The following TCF4 variants were observed in gnomAD, a reference collection of about 807,000 sequenced individuals.
TCF4 encodes transcription factor 4, also known as SL3-3 enhancer factor 2.
TCF4 carries 3 observed loss-of-function variants against 82.1 expected under a neutral mutation model. That is an observed-to-expected ratio of 0.04 (90% confidence interval 0.02 to 0.09). TCF4 has a LOEUF of 0.09. Among genes scored for constraint, TCF4 ranks in the 10% least tolerant of loss-of-function variants. The pLI is 1.00. For missense variants in TCF4, 518 were observed against 852.7 expected, an observed-to-expected ratio of 0.61 and a Z score of 4.89; for synonymous variants, 276 against 309.6, an observed-to-expected ratio of 0.89 and a Z score of 1.14.
Position 55,224,389 on chromosome 18 carries a change from A to C in TCF4, c.*3646T>G, listed in dbSNP as rs919087639. On this transcript the variant is annotated 3_prime_UTR_variant, in exon 20 of 20. Transcript: ENST00000354452. ...AAGCAAAATAAAAAGAGAGGCCTAA[A>C]GGCCTTGGTGCCCCATTGTGTTGGA... 6.6e-6 allele frequency: 1 copy of C among 152,638 alleles called. No homozygotes were observed. Among genetic ancestry groups the C allele is most frequent in the Non-Finnish European group, 1.5e-5 (1 of 68,036 alleles). The allele number at this position is 152,638 out of a possible 1,614,324, so 9.5% of individuals were successfully genotyped here.
chr18:55,586,153 G>GAGCAGGAGCAGC lies in TCF4; in HGVS notation c.73-802_73-801insGCTGCTCCTGCT. ...GGAGGAGAAGGAGGAGGAGGAGGAGGAGCAGCAGCAGCAGCAGCAGCAGCA... is the reference window on the plus strand; with the variant it reads ...GGAGGAGAAGGAGGAGGAGGAGGAGGAGCAGGAGCAGCAGCAGCAGCAGCAGCAGCAGCAGCA... On this transcript the variant is annotated intron_variant, in intron 2 of 19. Coordinates refer to ENST00000354452, the MANE Select transcript of TCF4 (RefSeq NM_001083962.2). The GAGCAGGAGCAGC allele has an allele frequency of 9.9e-6, 7 of 706,110 alleles. No individual in the cohort carries two copies. In the South Asian group the frequency reaches 1.2e-4, roughly 12 times the overall value. 43.7% of individuals were successfully genotyped at this position (706,110 alleles called of 1,614,324 possible).
At chr18:55,360,731 C>CCTT (rs753933037) in intron 6 of TCF4, among the ~76,000 whole-genome samples, 2 of 74,274 alleles carry the variant, frequency 2.7e-5, no homozygotes, top group African/African-American at 1.2e-4. Flanking sequence ...GCCCCCCACC[C>CCTT]TTTTTTTTTT....
intron 3 of TCF4, among the ~76,000 whole-genome samples, chr18:55,572,675 C>T (rs951393132): frequency 6.6e-6 from 1 of 152,166 alleles, no homozygotes; most frequent in Admixed American, 6.5e-5. Flanking sequence ...TGATACCTGA[C>T]CACAGGCAGG....
chr18:55,516,129 C>T (rs928995211), intron 3 of TCF4, among the ~76,000 whole-genome samples: 4 of 152,048 alleles, frequency 2.6e-5, no homozygotes, highest in East Asian at 3.9e-4. Flanking sequence ...TGATGACTTA[C>T]GGAGACAGGG....
At chr18:55,243,165 G>A (rs764467907) in intron 15 of TCF4, among the ~76,000 whole-genome samples, 2 of 152,192 alleles carry the variant, frequency 1.3e-5, no homozygotes, top group Non-Finnish European at 2.9e-5. Flanking sequence ...CCAAATTTAA[G>A]TGAAAATTTC....
intron 8 of TCF4, among the ~76,000 whole-genome samples, chr18:55,339,898 G>A (rs541239938): frequency 6.6e-6 from 1 of 152,316 alleles, no homozygotes; most frequent in East Asian, 1.9e-4. Flanking sequence ...TAAAACATCT[G>A]TACAAATATT....
chr18:55,487,479 G>A (rs1345216973), intron 3 of TCF4, among the ~76,000 whole-genome samples: 5 of 152,162 alleles, frequency 3.3e-5, no homozygotes, highest in Admixed American at 6.5e-5. Context: ...GTGAAGAAGT[G>A]CATTTATTAA....
chr18:55,487,925 T>C (rs766081286), intron 3 of TCF4, among the ~76,000 whole-genome samples: 19 of 152,096 alleles, frequency 1.2e-4, no homozygotes, highest in Non-Finnish European at 2.8e-4. Flanking sequence ...CTGGTAGATA[T>C]ATACAGTGCC....
intron 5 of TCF4, among the ~76,000 whole-genome samples, chr18:55,433,758 G>A (rs1011102610): frequency 2.6e-5 from 4 of 152,166 alleles, no homozygotes; most frequent in Non-Finnish European, 5.9e-5. Context: ...CACATTAGTG[G>A]CTCCCCAGGC....
At chr18:55,356,441 T>C (rs545453920) in intron 6 of TCF4, among the ~76,000 whole-genome samples, 1 of 152,322 alleles carries the variant, frequency 6.6e-6, no homozygotes, top group African/African-American at 2.4e-5. Flanking sequence ...TAAGTGGCCA[T>C]GTTCCTGGAA....
At chr18:55,398,949 T>A (rs989801933) in intron 6 of TCF4, among the ~76,000 whole-genome samples, 1 of 152,172 alleles carries the variant, frequency 6.6e-6, no homozygotes, top group Non-Finnish European at 1.5e-5. Context: ...GAAGGATGCA[T>A]AAGACCTCGA....
intron 6 of TCF4, chr18:55,401,261 T>C: frequency 8.4e-7 from 1 of 1,189,452 alleles, no homozygotes. Context: ...TCAGCAAATT[T>C]CCAAAATTTC....
intron 8 of TCF4, among the ~76,000 whole-genome samples, chr18:55,297,145 A>C (rs1362303962): frequency 2.5e-5 from 2 of 79,640 alleles, no homozygotes; most frequent in Non-Finnish European, 4.7e-5. Context: ...CTTTTCTTTG[A>C]GGTTTTTTTT....
intron 3 of TCF4, among the ~76,000 whole-genome samples, chr18:55,483,992 T>C (rs1344178603): frequency 2.6e-5 from 4 of 152,362 alleles, no homozygotes; most frequent in African/African-American, 7.2e-5. Context: ...TTTACAACTT[T>C]ATACATCAGA....
At chr18:55,600,961 ACTGTG>A (rs2097696256) in intron 2 of TCF4, among the ~76,000 whole-genome samples, 1 of 152,182 alleles carries the variant, frequency 6.6e-6, no homozygotes. Context: ...ATATGCAGAT[ACTGTG>A]CCATTTTATA....
At chr18:55,438,997 G>A (rs905946325) in intron 5 of TCF4, among the ~76,000 whole-genome samples, 2 of 152,234 alleles carry the variant, frequency 1.3e-5, no homozygotes, top group African/African-American at 2.4e-5. Flanking sequence ...GCCAAGAGAA[G>A]GGAGTGGGTG....
intron 3 of TCF4, among the ~76,000 whole-genome samples, chr18:55,548,508 A>T (rs581653): frequency 0.13 from 20,444 of 152,160 alleles, 1,651 homozygotes; most frequent in Admixed American, 0.2. Flanking sequence ...TCAATCTAAA[A>T]CTACTAAACC....
intron 8 of TCF4, among the ~76,000 whole-genome samples, chr18:55,343,106 C>CT (rs2080369772): frequency 6.6e-6 from 1 of 152,070 alleles, no homozygotes; most frequent in African/African-American, 2.4e-5. Context: ...AACAGTGACA[C>CT]TTTTTGTATG....
intron 5 of TCF4, among the ~76,000 whole-genome samples, chr18:55,420,835 A>C (rs981201015): frequency 2.0e-4 from 31 of 152,046 alleles, no homozygotes; most frequent in Admixed American, 2.0e-3. Flanking sequence ...ACAGATTTTT[A>C]AATGAGCCCC....
Sources: gnomAD v4.1 joint callset for allele counts (sites outside exome capture counted in the v4.1 genomes callset) on GRCh38, gnomAD v4.1.1 for gene constraint, MANE v1.5 for transcripts, NCBI Gene and HGNC (gene_info 2026-07-23, HGNC 2026-07-21) for gene names.